The following CPVL variants were observed in gnomAD, a reference collection of about 807,000 sequenced individuals.
CPVL encodes carboxypeptidase vitellogenic like.
CPVL carries 51 observed loss-of-function variants against 63.7 expected under a neutral mutation model. The ratio of observed to expected loss-of-function variants is 0.80; its 90% CI spans 0.64 to 1.01. The LOEUF is 1.01. Among genes scored for constraint, CPVL ranks in the 50% least tolerant of loss-of-function variants. The pLI, the probability that CPVL is intolerant of heterozygous loss-of-function variation, is 0.00. For synonymous variants in CPVL, 195 were observed against 206.0 expected (o/e 0.95, Z 0.46); for missense variants, 530 against 573.1 (o/e 0.92, Z 0.77).
intron 5 of CPVL, among the ~76,000 whole-genome samples, chr7:29,170,210 T>G (rs1382027578): frequency 2.0e-5 from 3 of 152,164 alleles, no homozygotes; most frequent in African/African-American, 4.8e-5. Flanking sequence ...CTACTTTATG[T>G]TTAACAATAG....
intron 12 of CPVL, among the ~76,000 whole-genome samples, chr7:29,027,884 G>A (rs1419375736): frequency 6.6e-6 from 1 of 152,126 alleles, no homozygotes; most frequent in East Asian, 1.9e-4. Context: ...AATTAATATT[G>A]TTAAAATGAT....
downstream of CPVL, among the ~76,000 whole-genome samples, chr7:28,994,996 C>CTTAA (rs1783937389): frequency 6.6e-6 from 1 of 151,508 alleles, no homozygotes; most frequent in Admixed American, 6.6e-5. Context: ...GCCAGCTTAT[C>CTTAA]TTAATTTTTT....
chr7:29,178,615 C>CAAAAAACTTTTTAAAAAAA (rs1797675346), intron 5 of CPVL, among the ~76,000 whole-genome samples: 1 of 152,050 alleles, frequency 6.6e-6, no homozygotes, highest in Non-Finnish European at 1.5e-5. Context: ...TTAAAAAAAG[C>CAAAAAACTTTTTAAAAAAA]AGTTCATTGT....
intron 5 of CPVL, 27 bp from the exon 6 acceptor site, chr7:29,092,729 TA>T: frequency 6.6e-7 from 1 of 1,525,650 alleles, no homozygotes; most frequent in Non-Finnish European, 9.1e-7. Context: ...CACGCAGGTA[TA>T]AACACAGAGA....
At chr7:29,068,036 G>C (rs1021450213) in intron 9 of CPVL, among the ~76,000 whole-genome samples, 4 of 146,734 alleles carry the variant, frequency 2.7e-5, no homozygotes, top group Non-Finnish European at 6.0e-5. Flanking sequence ...ATGGAGTCTC[G>C]CACTGTCACT....
intron 12 of CPVL, among the ~76,000 whole-genome samples, chr7:29,028,960 C>G (rs1396930899): frequency 3.1e-5 from 4 of 127,076 alleles, no homozygotes; most frequent in Admixed American, 8.3e-5. Flanking sequence ...GAGCAAGACT[C>G]CATCTCAAAA....
chr7:29,064,163 C>T lies in CPVL; in HGVS notation c.1035G>A (p.Gly345=). ...TAGTTCCATCATTAAAAGTCTGATT[C>T]CCCACGTGGATGGCTTGTCTCACCT... ...LPEVRQAIHV[G]NQTFNDGTIV... Residue 345 remains glycine, a synonymous_variant, in exon 11 of 13, where the codon GGG becomes GGA. Transcript: ENST00000265394. The T allele has an allele frequency of 1.2e-6, 2 of 1,612,540 alleles. No individual in the cohort carries two copies. The highest frequency in any genetic ancestry group is 1.3e-5 in the African/African-American group (1 of 74,964).
rs926227489 is a variant in CPVL at position 29,096,086 on chromosome 7, G to A, written c.403+17C>T. The A allele has an allele frequency of 6.3e-7, 1 of 1,581,202 alleles. No homozygotes were observed. The highest frequency in any genetic ancestry group is 2.2e-5 in the East Asian group (1 of 44,730). On this transcript the variant is annotated intron_variant, in intron 4 of 12. Transcript: ENST00000265394. ...GATGAAAGATTCTATAGGAAATACAGTGCAAGGGATACTTACAGGTCATGT... is the reference window on the plus strand; with the variant it reads ...GATGAAAGATTCTATAGGAAATACAATGCAAGGGATACTTACAGGTCATGT...
chr7:29,039,198 T>G (rs1487487693), intron 11 of CPVL, among the ~76,000 whole-genome samples: 2 of 152,242 alleles, frequency 1.3e-5, no homozygotes, highest in African/African-American at 4.8e-5. Context: ...AAATTGAATT[T>G]CAGGTTCTAG....
rs528951162 is a variant in CPVL at position 29,135,737 on chromosome 7, G to C, written c.-11+10692C>G. Among the ~76,000 whole-genome samples, 89 of 152,046 alleles carry C rather than the reference G, an allele frequency of 5.9e-4. 1 individual carries two copies. In the South Asian group the frequency reaches 8.8e-3, roughly 15 times the overall value. ...AGATAGGGTCTCACTCTGTCACCCA[G>C]GCTGCAGTGGCAGTACAATGCTGCA... On this transcript the variant is annotated intron_variant, in intron 1 of 12. Transcript: ENST00000265394.
chr7:29,067,717 C>T (rs1165357766), intron 9 of CPVL, among the ~76,000 whole-genome samples: 1 of 152,166 alleles, frequency 6.6e-6, no homozygotes, highest in Non-Finnish European at 1.5e-5. Context: ...GAAGTCAGCA[C>T]ATGTTAAAAA....
chr7:29,124,199 T>C (rs536287342), intron 1 of CPVL, among the ~76,000 whole-genome samples: 76 of 152,282 alleles, frequency 5.0e-4, no homozygotes, highest in African/African-American at 1.7e-3. Context: ...CTTTTATTTA[T>C]TGAACATTTA....
rs35699738 is a variant in CPVL, at chr7:29,030,751, G to T, written c.1146C>A (p.Ile382=). The change falls in exon 12 of 13, where the codon ATC becomes ATA. Residue 382 remains isoleucine (I), a synonymous_variant. Transcript: ENST00000265394. Reference sequence around the variant, plus strand: ...CGATGATGTCCAGTTGGCCATTGTAGATCAGAACCTGAAATGAAATCAAGC... The same window carrying T: ...CGATGATGTCCAGTTGGCCATTGTATATCAGAACCTGAAATGAAATCAAGC... The part of the protein sequence containing the change: ...TEIMNNYKVL[I]YNGQLDIIVA... The T allele has an allele frequency of 1.2e-3, 1,879 of 1,602,030 alleles. 21 individuals are homozygous for T. In the African/African-American group the frequency reaches 0.022, roughly 19 times the overall value.
upstream of CPVL, chr7:29,148,750 T>G (rs181863013): frequency 1.1e-4 from 16 of 152,256 alleles, no homozygotes; most frequent in East Asian, 3.1e-3. Flanking sequence ...AAAGATAGTC[T>G]TCTTTAGGGA....
At chr7:29,060,193 C>G (rs1791133128) in intron 11 of CPVL, among the ~76,000 whole-genome samples, 2 of 94,568 alleles carry the variant, frequency 2.1e-5, no homozygotes, top group Non-Finnish European at 5.8e-5. Flanking sequence ...CACCTTCTAA[C>G]CATCAGGCAC....
At chr7:29,048,739 C>T (rs1325284515) in intron 11 of CPVL, among the ~76,000 whole-genome samples, 1 of 152,136 alleles carries the variant, frequency 6.6e-6, no homozygotes, top group African/African-American at 2.4e-5. Context: ...TTCAACAGCA[C>T]ATGGAACTTT....
At chr7:29,081,633 T>C (rs1270609082) in intron 7 of CPVL, among the ~76,000 whole-genome samples, 3 of 151,876 alleles carry the variant, frequency 2.0e-5, no homozygotes, top group South Asian at 2.1e-4. Context: ...AGACACAGAG[T>C]AGAGGGGGAA....
chr7:29,021,927 G>A (rs1439800629), intron 12 of CPVL, among the ~76,000 whole-genome samples: 1 of 152,128 alleles, frequency 6.6e-6, no homozygotes, highest in African/African-American at 2.4e-5. Flanking sequence ...GGAGCCAGCA[G>A]TGCAGATGCG....
intron 5 of CPVL, among the ~76,000 whole-genome samples, chr7:29,170,259 A>G (rs1796426176): frequency 1.3e-5 from 2 of 152,234 alleles, no homozygotes; most frequent in South Asian, 4.2e-4. Flanking sequence ...TTTTGTTTTA[A>G]TATCTGACAA....
Sources: gnomAD v4.1 joint callset for allele counts (sites outside exome capture counted in the v4.1 genomes callset) on GRCh38, gnomAD v4.1.1 for gene constraint, MANE v1.5 for transcripts, NCBI Gene and HGNC (gene_info 2026-07-23, HGNC 2026-07-21) for gene names.